OBSL1: variants seen among roughly 807,000 people sequenced by gnomAD.
OBSL1 encodes obscurin-like protein 1.
In OBSL1, 160 loss-of-function variants were observed where a neutral mutation model predicts 172.0. That is an observed-to-expected ratio of 0.93 (90% CI 0.82 to 1.06). OBSL1 has a LOEUF of 1.06. Ranked by LOEUF, OBSL1 falls within the 50% of genes least tolerant of loss-of-function variation. The pLI is 0.00. For synonymous variants in OBSL1, 1,200 were observed against 1,196.3 expected (o/e 1.00, Z -0.06); for missense variants, 2,681 against 2,715.4 (o/e 0.99, Z 0.28).
Position 219,562,402 on chromosome 2 carries a change from C to T in OBSL1, c.2953G>A (p.Glu985Lys). The stretch of plus-strand genomic sequence containing the variant: ...CCGGGGAGCTGGGCTGGGCCCACAC[C>T]TGTGACGGTGACAGTGAAGGAGGCC... ...ESASFTVTVT[E>K]PPVRIIYPRD... Residue 985 changes from glutamate to lysine, a missense_variant and splice_region_variant, in exon 8 of 21, where the codon GAA becomes AAA. Coordinates refer to ENST00000404537, the MANE Select transcript of OBSL1 (RefSeq NM_015311.3). 1.2e-6 allele frequency: 2 copies of T among 1,613,154 alleles called. No individual in the cohort carries two copies. Among genetic ancestry groups the T allele is most frequent in the South Asian group, 1.1e-5 (1 of 91,024 alleles).
In OBSL1 at chr2:219,557,365, G is replaced by A. The variant is rs1408351854; in HGVS notation, c.4044C>T (p.Arg1348=). 7 of 1,511,496 alleles carry A rather than the reference G, an allele frequency of 4.6e-6. No homozygotes were observed. The highest frequency in any genetic ancestry group is 6.2e-6 in the Non-Finnish European group (7 of 1,124,180). 93.6% of individuals were successfully genotyped at this position (1,511,496 alleles called of 1,614,324 possible). ...EYLCDAPQDS[R]IFLVSVEEPL... ...TACCTTCCACGCTGACAAGGAAGAT[G>A]CGGCTGTCCTGGGGCGCATCGCACA... The change falls in exon 12 of 21, where the codon CGC becomes CGT. Residue 1348 remains arginine (R), a synonymous_variant. Transcript: ENST00000404537.
intron 3 of OBSL1, 68 bp from the exon 4 acceptor site, chr2:219,567,643 C>T (rs983954567): frequency 8.1e-5 from 129 of 1,589,066 alleles, no homozygotes; most frequent in Non-Finnish European, 1.1e-4. Context: ...CTTAAATCTA[C>T]TTCACCAACC....
downstream of OBSL1, chr2:219,548,090 G>A: frequency 1.3e-6 from 2 of 1,531,534 alleles, no homozygotes; most frequent in Non-Finnish European, 1.8e-6. Context: ...AGGTAAGGGG[G>A]CACAGGCCAA....
chr2:219,559,745 C>A, intron 8 of OBSL1: 1 of 486,324 alleles, frequency 2.1e-6, no homozygotes, highest in Non-Finnish European at 3.7e-6. Flanking sequence ...TCAGCCCCCA[C>A]GGGAGCCTCC....
chr2:219,556,238 T>C lies in OBSL1; in HGVS notation c.4391A>G (p.Gln1464Arg). The C allele has an allele frequency of 6.2e-7, 1 of 1,603,518 alleles. No individual in the cohort carries two copies. The highest frequency in any genetic ancestry group is 1.1e-5 in the South Asian group (1 of 90,494). ...RLQDVRAEEG[Q>R]DVCLEVETGR... is the part of the protein sequence containing the mutation. ...TGTCTCCACTTCGAGACACACATCC[T>C]GGCCTTCCTCTGCCCGCACATCCTG... Residue 1464 changes from glutamine to arginine, a missense_variant, in exon 14 of 21, where the codon CAG becomes CGG. Gln to Arg is a conservative substitution (Grantham distance 43). This residue lies in a region of OBSL1 where 1,765 missense variants were observed against 1,748.3 expected (regional missense o/e 1.01). Coordinates refer to ENST00000404537, the MANE Select transcript of OBSL1 (RefSeq NM_015311.3).
In OBSL1 at chr2:219,553,697, G is replaced by C. The variant is rs1360046997; in HGVS notation, c.4877-11C>G. The C allele has an allele frequency of 6.9e-6, 11 of 1,600,816 alleles. No homozygotes were observed. Among genetic ancestry groups the C allele is most frequent in the Non-Finnish European group, 9.4e-6 (11 of 1,169,016 alleles). ...TGGTCACTGGGACCTCTGGGGGTGG[G>C]AGAGGGAGGACAGTGCAGAGGGAGC... On this transcript the variant is annotated splice_polypyrimidine_tract_variant and intron_variant, in intron 15 of 20. Transcript: ENST00000404537.
chr2:219,566,791 T>C (rs1696925189), intron 5 of OBSL1, 39 bp downstream of exon 5: 1 of 1,528,068 alleles, frequency 6.5e-7, no homozygotes, highest in Non-Finnish European at 8.8e-7. Flanking sequence ...TTCTGTGTCT[T>C]GACCCTTTCT....
At position 219,551,541 on chromosome 2, in the gene OBSL1, G is replaced by A. The variant is rs768262623; in HGVS notation, c.5671C>T (p.Leu1891=). 4.4e-6 allele frequency: 7 copies of A among 1,593,306 alleles called. No individual in the cohort carries two copies. Among genetic ancestry groups the A allele is most frequent in the Non-Finnish European group, 1.7e-6 (2 of 1,170,034 alleles). The change falls in exon 20 of 21, where the codon CTG becomes TTG. Residue 1891 remains leucine, a synonymous_variant. Coordinates refer to ENST00000404537, the MANE Select transcript of OBSL1 (RefSeq NM_015311.3). ...QAGQDSTHTR[L]LVEGN is the part of the protein sequence containing the mutation. ...TGGCTTTACTCACCCTCTACCAGCA[G>A]CCGTGTGTGGGTGCTGTCCTGGCCG... is the stretch of plus-strand genomic sequence containing the variant.
In OBSL1 at chr2:219,556,266, A is replaced by G. The variant is rs78420199; in HGVS notation, c.4363T>C (p.Leu1455=). ...CCTTCCTCTGCCCGCACATCCTGCA[A>G]CCGCCGTAGGAACAGCAGCTCTGTC... The part of the protein sequence containing the change: ...RETELLFLRR[L]QDVRAEEGQD... Residue 1455 remains leucine, a synonymous_variant, in exon 14 of 21, where the codon TTG becomes CTG. Transcript: ENST00000404537. The G allele has an allele frequency of 1.1e-3, 1,706 of 1,589,344 alleles. 18 individuals carry two copies. The African/African-American group carries it at 0.02, about 18-fold the overall frequency.
intron 1 of OBSL1, 77 bp downstream of exon 1, chr2:219,570,144 G>C: frequency 7.7e-7 from 1 of 1,297,242 alleles, no homozygotes; most frequent in Non-Finnish European, 1.0e-6. Flanking sequence ...GCAGCGCTGG[G>C]CACCGAGGAG....
In OBSL1 at chr2:219,551,770, G is replaced by A. The variant is rs200240897; in HGVS notation, c.5442C>T (p.Pro1814=). The A allele has an allele frequency of 2.7e-5, 43 of 1,592,246 alleles. No individual in the cohort carries two copies. The highest frequency in any genetic ancestry group is 1.7e-4 in the Middle Eastern group (1 of 6,012). ...EALPLQMCRH[P]PREKTVLVGR... Reference sequence around the variant, plus strand: ...CCACCAGAACGGTCTTCTCGCGAGGGGGGTGGCGGCACATCTGGAGAGGCA... The same window carrying A: ...CCACCAGAACGGTCTTCTCGCGAGGAGGGTGGCGGCACATCTGGAGAGGCA... The change falls in exon 20 of 21, where the codon CCC becomes CCT. Residue 1814 remains proline (P), a synonymous_variant. Coordinates refer to ENST00000404537, the MANE Select transcript of OBSL1 (RefSeq NM_015311.3).
chr2:219,548,509 A>T (rs1695443048), downstream of OBSL1, among the ~76,000 whole-genome samples: 1 of 152,196 alleles, frequency 6.6e-6, no homozygotes, highest in Non-Finnish European at 1.5e-5. Flanking sequence ...GGTGATATGT[A>T]AGCAGGCACT....
In OBSL1 at chr2:219,552,978, A is replaced by G. The variant is rs2106011066; in HGVS notation, c.5036T>C (p.Leu1679Pro). The change falls in exon 17 of 21, where the codon CTC becomes CCC. Residue 1679 changes from leucine to proline, a missense_variant. Transcript: ENST00000404537. Reference sequence around the variant, plus strand: ...CAGCTGGAGAAGGCGGCGCGTGCCGAGGGCCTGGAGCCGGAGCCGCGGGCT... The same window carrying G: ...CAGCTGGAGAAGGCGGCGCGTGCCGGGGGCCTGGAGCCGGAGCCGCGGGCT... The part of the protein sequence containing the change: ...TPSPRLRLQA[L>P]GTRRLLQLRR... The G allele has an allele frequency of 6.5e-7, 1 of 1,530,672 alleles. No individual in the cohort carries two copies. 94.8% of individuals were successfully genotyped at this position (1,530,672 alleles called of 1,614,324 possible). A position where few individuals can be genotyped will look rare whatever the true frequency, so the allele number is the denominator to read the frequency against.
downstream of OBSL1, chr2:219,549,108 G>A: frequency 6.2e-7 from 1 of 1,608,886 alleles, no homozygotes; most frequent in Non-Finnish European, 8.5e-7. Context: ...AGGGAAACAA[G>A]GCGCACCGTC....
chr2:219,557,636 G>A lies in OBSL1; in HGVS notation c.3791-18C>T, dbSNP rs1276658150. The A allele has an allele frequency of 1.3e-6, 2 of 1,521,606 alleles. No individual in the cohort carries two copies. The highest frequency in any genetic ancestry group is 4.8e-5 in the East Asian group (2 of 41,716). 94.3% of individuals were successfully genotyped at this position (1,521,606 alleles called of 1,614,324 possible). On this transcript the variant is annotated intron_variant, in intron 11 of 20. Coordinates refer to ENST00000404537, the MANE Select transcript of OBSL1 (RefSeq NM_015311.3). ...AGGGGGCTCTGTGGAGTCAGAGCTG[G>A]AGGTCACTGGGAGGGAGAGGCTCAG...
intron 15 of OBSL1, chr2:219,554,204 A>G: frequency 7.3e-6 from 4 of 548,192 alleles, no homozygotes. Context: ...GGCAGACAGC[A>G]GTGACCACAA....
At chr2:219,553,125 G>A (rs1454463800) in intron 16 of OBSL1, 101 bp from the exon 17 acceptor site, 1 of 1,379,860 alleles carries the variant, frequency 7.2e-7, no homozygotes. Flanking sequence ...AAGCGGTCTC[G>A]AGGCGCGTTT....
At chr2:219,562,096 C>A (rs2106063645) in intron 8 of OBSL1, 1 of 702,358 alleles carries the variant, frequency 1.4e-6, no homozygotes, top group Non-Finnish European at 2.7e-6. Flanking sequence ...GCCTCCTCAC[C>A]TAGCCTGGCA....
At position 219,559,247 on chromosome 2, in the gene OBSL1, G is replaced by T; in HGVS notation, c.3204C>A (p.Ala1068=). 6.2e-7 allele frequency: 1 copy of T among 1,608,928 alleles called. No homozygotes were observed. Among genetic ancestry groups the T allele is most frequent in the Admixed American group, 1.7e-5 (1 of 59,936 alleles). ...EFVCDAGDDS[A]FFTVTVTAPP... is the part of the protein sequence containing the mutation. The stretch of plus-strand genomic sequence containing the variant: ...CACCTGTGACAGTGACAGTGAAGAA[G>T]GCCGAGTCATCTCCAGCATCACATA... Residue 1068 remains alanine (A), a synonymous_variant, in exon 9 of 21, where the codon GCC becomes GCA. Coordinates refer to ENST00000404537, the MANE Select transcript of OBSL1 (RefSeq NM_015311.3).
Sources: allele counts gnomAD v4.1 joint callset (sites outside exome capture counted in the v4.1 genomes callset), GRCh38; gene constraint gnomAD v4.1.1; regional missense constraint gnomAD v4.1.1; transcripts MANE v1.5; gene names NCBI Gene and HGNC (gene_info 2026-07-23, HGNC 2026-07-21).